TNPO1: variants seen among roughly 807,000 people sequenced by gnomAD.
TNPO1 encodes transportin-1.
TNPO1 carries 8 observed loss-of-function variants against 119.5 expected under a neutral mutation model. That is an observed-to-expected ratio of 0.07 (90% CI 0.04 to 0.12). The LOEUF (loss-of-function observed/expected upper bound fraction) is 0.12. TNPO1 is among the 10% of genes least tolerant of loss of function. The pLI is 1.00. For missense variants in TNPO1, 576 were observed against 1,089.8 expected, an observed-to-expected ratio of 0.53 and a Z score of 6.64; for synonymous variants, 362 against 363.0, an observed-to-expected ratio of 1.00 and a Z score of 0.03.
At chr5:72,896,780 A>G (rs1749460937) in intron 19 of TNPO1, among the ~76,000 whole-genome samples, 1 of 152,112 alleles carries the variant, frequency 6.6e-6, no homozygotes, top group Non-Finnish European at 1.5e-5. Flanking sequence ...GAGTCAGGAG[A>G]ATCACTTGAA....
intron 21 of TNPO1, among the ~76,000 whole-genome samples, chr5:72,900,300 A>G (rs1579936135): frequency 6.6e-6 from 1 of 152,252 alleles, no homozygotes; most frequent in African/African-American, 2.4e-5. Context: ...GATGCATGGG[A>G]TAAGATTGTC....
At chr5:72,816,873 C>A in intron 1 of TNPO1, 121 bp downstream of exon 1, 2 of 1,291,698 alleles carry the variant, frequency 1.5e-6, no homozygotes, top group Non-Finnish European at 1.0e-6. Context: ...TCGGCGCCTG[C>A]CCGGCCGTTT....
intron 1 of TNPO1, chr5:72,816,976 C>T: frequency 2.0e-6 from 1 of 504,156 alleles, no homozygotes; most frequent in Non-Finnish European, 3.5e-6. Flanking sequence ...GCGACGGCGG[C>T]TCCTCAAGCG....
chr5:72,821,124 T>C (rs1743939284), intron 1 of TNPO1, among the ~76,000 whole-genome samples: 1 of 152,132 alleles, frequency 6.6e-6, no homozygotes, highest in South Asian at 2.1e-4. Context: ...CAAAAAAATA[T>C]GTGTTTCACA....
rs571122943 is a variant in TNPO1 at position 72,852,277 on chromosome 5, T to C, written c.205+958T>C. ...AATAACATGGTCATTTGATTATTTCTAATAATATGTAACGCATCCCACTAG... is the reference window on the plus strand; with the variant it reads ...AATAACATGGTCATTTGATTATTTCCAATAATATGTAACGCATCCCACTAG... On this transcript the variant is annotated intron_variant, in intron 3 of 24. Coordinates refer to ENST00000337273, the MANE Select transcript of TNPO1 (RefSeq NM_002270.4). Among the ~76,000 whole-genome samples the C allele has an allele frequency of 2.0e-5, 3 of 152,358 alleles. No homozygotes were observed. The South Asian group carries it at 6.2e-4, about 32-fold the overall frequency.
intron 1 of TNPO1, among the ~76,000 whole-genome samples, chr5:72,832,942 C>T (rs1279510221): frequency 1.3e-5 from 2 of 152,136 alleles, no homozygotes; most frequent in Admixed American, 6.5e-5. Flanking sequence ...CTTTCAGAGA[C>T]TTGCATGTCA....
At chr5:72,868,446 A>AC (rs1747107411) in intron 6 of TNPO1, among the ~76,000 whole-genome samples, 1 of 148,246 alleles carries the variant, frequency 6.7e-6, no homozygotes, top group South Asian at 2.1e-4. Flanking sequence ...AAAAAAAAAA[A>AC]AAAAAAAAAA....
intron 9 of TNPO1, among the ~76,000 whole-genome samples, chr5:72,877,895 C>T (rs538526083): frequency 6.6e-6 from 1 of 152,024 alleles, no homozygotes; most frequent in African/African-American, 2.4e-5. Context: ...GTACCGTATA[C>T]TAAATAGCAT....
chr5:72,852,923 G>C (rs1403800755), intron 3 of TNPO1, among the ~76,000 whole-genome samples: 1 of 152,114 alleles, frequency 6.6e-6, no homozygotes, highest in Admixed American at 6.5e-5. Flanking sequence ...TTTTCTGACA[G>C]TTTGTGATCA....
rs1201134566 is a variant in TNPO1, at chr5:72,909,662, A to G, written c.*989A>G. ...CCTATGTTGCGCCAGTTTGTGTTGC[A>G]GTTTACCAATTCAATATAGCCCTGC... On this transcript the variant is annotated 3_prime_UTR_variant, in exon 25 of 25. Transcript: ENST00000337273. 1 of 152,602 alleles carries G rather than the reference A, an allele frequency of 6.6e-6. No homozygotes were observed. Among genetic ancestry groups the G allele is most frequent in the Non-Finnish European group, 1.5e-5 (1 of 68,020 alleles). The allele number at this position is 152,602 out of a possible 1,614,324, so 9.5% of individuals were successfully genotyped here.
At chr5:72,850,271 T>A (rs934290224) in intron 2 of TNPO1, among the ~76,000 whole-genome samples, 4 of 152,224 alleles carry the variant, frequency 2.6e-5, no homozygotes, top group Non-Finnish European at 4.4e-5. Context: ...TTTGAAAAAT[T>A]CATTGGCATA....
rs571826118 is a variant in TNPO1 at position 72,859,494 on chromosome 5, A to G, written c.356-2314A>G. Among the ~76,000 whole-genome samples the G allele has an allele frequency of 2.0e-5, 3 of 152,314 alleles. No individual in the cohort carries two copies. In the South Asian group the frequency reaches 6.2e-4, roughly 32 times the overall value. Reference sequence around the variant, plus strand: ...AATATTTAAATATTTTAATTAAAAGATTACTGATTATAAAAATAGACTAGC... The same window carrying G: ...AATATTTAAATATTTTAATTAAAAGGTTACTGATTATAAAAATAGACTAGC... On this transcript the variant is annotated intron_variant, in intron 4 of 24. Transcript: ENST00000337273.
At chr5:72,899,211 C>T (rs1749647429) in intron 20 of TNPO1, among the ~76,000 whole-genome samples, 1 of 152,022 alleles carries the variant, frequency 6.6e-6, no homozygotes, top group Non-Finnish European at 1.5e-5. Context: ...TCCTGTGGTC[C>T]ACATATCATA....
At chr5:72,896,945 CTATATT>C (rs777072286) in intron 19 of TNPO1, 105 bp from the exon 20 acceptor site, 13 of 494,736 alleles carry the variant, frequency 2.6e-5, no homozygotes, top group Non-Finnish European at 4.5e-5. Context: ...ATTTGTATTT[CTATATT>C]TATATGACAT....
Position 72,903,706 on chromosome 5 carries a change from C to T in TNPO1, c.2515-3C>T. On this transcript the variant is annotated splice_polypyrimidine_tract_variant and splice_region_variant and intron_variant, in intron 22 of 24. Coordinates refer to ENST00000337273, the MANE Select transcript of TNPO1 (RefSeq NM_002270.4). ...CCTAAGATGTATTTCTTGCTTGTTA[C>T]AGGATTTTATATTTTTTTGTGATGC... The T allele has an allele frequency of 6.3e-7, 1 of 1,597,710 alleles. No homozygotes were observed. Among genetic ancestry groups the T allele is most frequent in the East Asian group, 2.2e-5 (1 of 44,498 alleles).
rs768538322 is a variant in TNPO1 at position 72,851,250 on chromosome 5, G to C, written c.136G>C (p.Glu46Gln). ...TIQRTVQQKL[E>Q]QLNQYPDFNN... is the part of the protein sequence containing the mutation. Reference sequence around the variant, plus strand: ...TAACTACTGTTTGTTCTAGAAACTGGAACAACTTAATCAGTATCCAGACTT... The same window carrying C: ...TAACTACTGTTTGTTCTAGAAACTGCAACAACTTAATCAGTATCCAGACTT... Residue 46 changes from glutamate to glutamine, a missense_variant, in exon 3 of 25, where the codon GAA (glutamate) becomes CAA (glutamine). By Grantham distance (29) the Glu-to-Gln change is conservative (BLOSUM62 2). Coordinates refer to ENST00000337273, the MANE Select transcript of TNPO1 (RefSeq NM_002270.4). The C allele has an allele frequency of 5.0e-6, 8 of 1,592,882 alleles. No homozygotes were observed. In the Admixed American group the frequency reaches 1.4e-4, roughly 27 times the overall value.
intron 20 of TNPO1, among the ~76,000 whole-genome samples, chr5:72,898,644 T>G (rs549260151): frequency 6.6e-6 from 1 of 152,280 alleles, no homozygotes; most frequent in African/African-American, 2.4e-5. Flanking sequence ...AATTCCTTAG[T>G]CTGCCGTTAA....
intron 14 of TNPO1, among the ~76,000 whole-genome samples, chr5:72,890,249 G>A: frequency 6.6e-6 from 1 of 152,176 alleles, no homozygotes; most frequent in East Asian, 1.9e-4. Flanking sequence ...CTGGATATCT[G>A]CTTTTACTTA....
intron 2 of TNPO1, 87 bp downstream of exon 2, chr5:72,848,585 C>T: frequency 1.5e-6 from 1 of 665,418 alleles, no homozygotes; most frequent in African/African-American, 1.9e-5. Context: ...CCCGTCGCCT[C>T]CGCCTCTGCC....
Sources: allele counts gnomAD v4.1 joint callset (sites outside exome capture counted in the v4.1 genomes callset), GRCh38; gene constraint gnomAD v4.1.1; transcripts MANE v1.5; gene names NCBI Gene and HGNC (gene_info 2026-07-23, HGNC 2026-07-21).